EXOC4: variants seen among roughly 807,000 people sequenced by gnomAD.
EXOC4 encodes exocyst complex component 4.
A neutral mutation model predicts 107.2 loss-of-function variants in EXOC4; 71 were observed. The ratio of observed to expected loss-of-function variants is 0.66; its 90% CI spans 0.55 to 0.81. The LOEUF is 0.81. Ranked by LOEUF, EXOC4 falls within the 30% of genes least tolerant of loss-of-function variation. The pLI is 0.00. For missense variants in EXOC4, 1,108 were observed against 1,189.6 expected (o/e 0.93, Z 1.01); for synonymous variants, 456 against 441.2 (o/e 1.03, Z -0.42).
chr7:133,511,973 T>TA (rs1305795575), intron 9 of EXOC4, among the ~76,000 whole-genome samples: 4 of 152,210 alleles, frequency 2.6e-5, no homozygotes, highest in African/African-American at 7.2e-5. Context: ...GCAGCATTCT[T>TA]ACTTTTCTCC....
chr7:133,869,121 A>G (rs1330329567), intron 11 of EXOC4, among the ~76,000 whole-genome samples: 1 of 151,492 alleles, frequency 6.6e-6, no homozygotes, highest in East Asian at 1.9e-4. Context: ...GCCATTCTAG[A>G]GCACTCAGGG....
intron 12 of EXOC4, among the ~76,000 whole-genome samples, chr7:133,916,511 C>A (rs1244600754): frequency 6.6e-6 from 1 of 152,230 alleles, no homozygotes; most frequent in Non-Finnish European, 1.5e-5. Context: ...TCAAGCAATC[C>A]TCCTGCCTCA....
chr7:133,991,766 G>C (rs1794266069), intron 14 of EXOC4, among the ~76,000 whole-genome samples: 1 of 152,126 alleles, frequency 6.6e-6, no homozygotes, highest in Non-Finnish European at 1.5e-5. Flanking sequence ...GCTGTTAAGT[G>C]TGTGAGTTTA....
At chr7:133,352,202 T>C (rs1194864388) in intron 5 of EXOC4, among the ~76,000 whole-genome samples, 1 of 151,934 alleles carries the variant, frequency 6.6e-6, no homozygotes, top group African/African-American at 2.4e-5. Flanking sequence ...AGTTGGTTGA[T>C]TGTGTTAAGT....
At chr7:133,428,788 T>G (rs779112237) in intron 7 of EXOC4, among the ~76,000 whole-genome samples, 4 of 152,258 alleles carry the variant, frequency 2.6e-5, no homozygotes, top group Non-Finnish European at 5.9e-5. Context: ...TTGTAGATGT[T>G]AGATTTTGAG....
chr7:133,568,298 T>C (rs1219497819), intron 9 of EXOC4, among the ~76,000 whole-genome samples: 1 of 152,056 alleles, frequency 6.6e-6, no homozygotes, highest in African/African-American at 2.4e-5. Context: ...CCAATTTTTT[T>C]CCCATTTATA....
chr7:133,369,480 CCT>C (rs981248846), intron 6 of EXOC4, among the ~76,000 whole-genome samples: 7 of 152,116 alleles, frequency 4.6e-5, no homozygotes, highest in African/African-American at 1.7e-4. Context: ...CTTACCATAG[CCT>C]TTGACTCTGC....
intron 17 of EXOC4, among the ~76,000 whole-genome samples, chr7:134,032,799 C>T (rs1795298393): frequency 6.6e-6 from 1 of 152,186 alleles, no homozygotes; most frequent in African/African-American, 2.4e-5. Flanking sequence ...TCCTCCTCAC[C>T]ATGTGCCTGC....
intron 10 of EXOC4, among the ~76,000 whole-genome samples, chr7:133,711,633 G>C (rs1000659600): frequency 2.0e-5 from 3 of 152,184 alleles, no homozygotes; most frequent in African/African-American, 4.8e-5. Context: ...TTGTAAAGCC[G>C]TACTTGTTTA....
At chr7:134,095,789 C>T in the EXOC4 span, among the ~76,000 whole-genome samples, 1 of 152,068 alleles carries the variant, frequency 6.6e-6, no homozygotes, top group Non-Finnish European at 1.5e-5. Flanking sequence ...TGAAATTGGA[C>T]CCCTACATTT....
intron 12 of EXOC4, among the ~76,000 whole-genome samples, chr7:133,912,704 A>C (rs1799722874): frequency 6.6e-6 from 1 of 152,188 alleles, no homozygotes; most frequent in African/African-American, 2.4e-5. Context: ...ACTAAGAAGA[A>C]ATCGACTCTG....
intron 10 of EXOC4, among the ~76,000 whole-genome samples, chr7:133,795,637 T>TG (rs1338600129): frequency 6.6e-6 from 1 of 152,192 alleles, no homozygotes; most frequent in Non-Finnish European, 1.5e-5. Context: ...TATCTCTATA[T>TG]GAATTTGCCT....
intron 9 of EXOC4, among the ~76,000 whole-genome samples, chr7:133,544,826 C>G (rs1800449347): frequency 1.9e-5 from 2 of 103,496 alleles, no homozygotes; most frequent in Admixed American, 2.6e-4. Context: ...TGTAGGTTTC[C>G]TTCCCTTTTT....
chr7:133,318,638 CA>C (rs1405281828), intron 5 of EXOC4, among the ~76,000 whole-genome samples: 3 of 152,146 alleles, frequency 2.0e-5, no homozygotes, highest in African/African-American at 4.8e-5. Context: ...TGGATTCAAT[CA>C]GTACATTTTG....
intron 10 of EXOC4, among the ~76,000 whole-genome samples, chr7:133,741,007 G>A (rs750773615): frequency 3.1e-4 from 47 of 152,148 alleles, no homozygotes; most frequent in Non-Finnish European, 6.2e-4. Context: ...ATTAACACTG[G>A]TGGAAACAGT....
chr7:133,278,194 G>A (rs1449495982), intron 2 of EXOC4, among the ~76,000 whole-genome samples: 1 of 152,188 alleles, frequency 6.6e-6, no homozygotes, highest in African/African-American at 2.4e-5. Flanking sequence ...CGAACAAATA[G>A]ATAACGTTGA....
At chr7:133,553,269 C>T (rs1322389657) in intron 9 of EXOC4, among the ~76,000 whole-genome samples, 10 of 152,116 alleles carry the variant, frequency 6.6e-5, no homozygotes, top group Admixed American at 6.6e-4. Context: ...TCTGACTGCC[C>T]CAACTAATTC....
At chr7:134,084,480 A>G in the EXOC4 span, among the ~76,000 whole-genome samples, 2 of 152,178 alleles carry the variant, frequency 1.3e-5, no homozygotes, top group Non-Finnish European at 2.9e-5. Flanking sequence ...AACCTCGCTG[A>G]GAAAGCTGAT....
chr7:133,711,686 T>C (rs1222243928), intron 10 of EXOC4, among the ~76,000 whole-genome samples: 1 of 152,182 alleles, frequency 6.6e-6, no homozygotes, highest in Non-Finnish European at 1.5e-5. Context: ...CAGGATAAAG[T>C]CCAAATTATT....
Sources: gnomAD v4.1 joint callset for allele counts (sites outside exome capture counted in the v4.1 genomes callset) on GRCh38, gnomAD v4.1.1 for gene constraint, MANE v1.5 for transcripts, NCBI Gene and HGNC (gene_info 2026-07-23, HGNC 2026-07-21) for gene names.